DLC1: variants seen among roughly 807,000 people sequenced by gnomAD.
The protein encoded by DLC1 is rho GTPase-activating protein 7.
A neutral mutation model predicts 140.3 loss-of-function variants in DLC1; 54 were observed. The observed-to-expected ratio is 0.38, with a 90% CI of 0.31 to 0.48. The LOEUF is 0.48. Ranked by LOEUF, DLC1 falls within the 20% of genes least tolerant of loss-of-function variation. The pLI is 0.96. For synonymous variants in DLC1, 986 were observed against 728.1 expected, an observed-to-expected ratio of 1.35 and a Z score of -5.70; for missense variants, 2,536 against 1,907.0, an observed-to-expected ratio of 1.33 and a Z score of -6.14.
intron 1 of DLC1, among the ~76,000 whole-genome samples, chr8:13,505,870 T>C (rs2117227504): frequency 6.6e-6 from 1 of 152,324 alleles, no homozygotes; most frequent in East Asian, 1.9e-4. Context: ...AAGTTTAAGA[T>C]ACATAAAATA....
intron 4 of DLC1, among the ~76,000 whole-genome samples, chr8:13,380,568 T>C (rs1045003005): frequency 3.3e-5 from 5 of 152,192 alleles, no homozygotes; most frequent in African/African-American, 1.2e-4. Context: ...TTAAATATAG[T>C]ATTAATGAAT....
At chr8:13,391,626 A>G (rs979993608) in intron 4 of DLC1, among the ~76,000 whole-genome samples, 3 of 152,224 alleles carry the variant, frequency 2.0e-5, no homozygotes, top group Non-Finnish European at 2.9e-5. Context: ...ATAAAAATGT[A>G]TACGCACTTC....
intron 2 of DLC1, among the ~76,000 whole-genome samples, chr8:13,440,214 G>A (rs1329094599): frequency 6.6e-6 from 1 of 152,166 alleles, no homozygotes; most frequent in African/African-American, 2.4e-5. Flanking sequence ...GGTGTATCTT[G>A]TAGAAATAGG....
At chr8:13,112,427 G>A (rs994637598) in intron 6 of DLC1, among the ~76,000 whole-genome samples, 7 of 151,882 alleles carry the variant, frequency 4.6e-5, no homozygotes, top group African/African-American at 1.4e-4. Context: ...TTTTCTGAAG[G>A]CTACAGTTGG....
At chr8:13,263,643 T>C (rs1250267747) in intron 5 of DLC1, among the ~76,000 whole-genome samples, 2 of 151,176 alleles carry the variant, frequency 1.3e-5, no homozygotes, top group Non-Finnish European at 2.9e-5. Context: ...TTTATATGTA[T>C]ATATAATAGA....
chr8:13,227,403 G>C (rs148559822), intron 5 of DLC1, among the ~76,000 whole-genome samples: 2,710 of 152,158 alleles, frequency 0.018, 92 homozygotes, highest in African/African-American at 0.061. Flanking sequence ...ACTTGGATTG[G>C]GAATCTTAGT....
At chr8:13,201,820 G>C (rs1286074728) in intron 5 of DLC1, among the ~76,000 whole-genome samples, 1 of 151,240 alleles carries the variant, frequency 6.6e-6, no homozygotes, top group Non-Finnish European at 1.5e-5. Flanking sequence ...TTTATGTTCA[G>C]GGGTATATAC....
intron 4 of DLC1, among the ~76,000 whole-genome samples, chr8:13,314,217 T>TACATATATTAC (rs1832782518): frequency 8.0e-6 from 1 of 124,774 alleles, no homozygotes; most frequent in Non-Finnish European, 1.8e-5. Context: ...TATATAGACA[T>TACATATATTAC]ACATATATTA....
chr8:13,393,791 G>C, intron 3 of DLC1, 98 bp from the exon 4 acceptor site: 1 of 1,392,296 alleles, frequency 7.2e-7, no homozygotes, highest in Non-Finnish European at 9.8e-7. Context: ...CTTTCTCCCA[G>C]TGCACACTGA....
intron 1 of DLC1, among the ~76,000 whole-genome samples, chr8:13,569,774 T>C (rs1479595447): frequency 2.0e-5 from 3 of 152,254 alleles, no homozygotes; most frequent in Non-Finnish European, 4.4e-5. Context: ...CAGGCTGGAA[T>C]GCAGTGGTGC....
intron 5 of DLC1, among the ~76,000 whole-genome samples, chr8:13,274,140 A>G (rs944034325): frequency 7.9e-5 from 12 of 152,154 alleles, no homozygotes; most frequent in African/African-American, 2.7e-4. Flanking sequence ...ATTAGCAGCC[A>G]TTAGTTCATG....
intron 5 of DLC1, among the ~76,000 whole-genome samples, chr8:13,150,738 C>G (rs1393934884): frequency 6.6e-6 from 1 of 152,162 alleles, no homozygotes; most frequent in African/African-American, 2.4e-5. Flanking sequence ...GTGCATGAAA[C>G]AAAAACTCAG....
intron 5 of DLC1, among the ~76,000 whole-genome samples, chr8:13,279,531 G>A (rs1831291877): frequency 1.3e-5 from 2 of 152,298 alleles, no homozygotes; most frequent in Non-Finnish European, 1.5e-5. Flanking sequence ...GAGGGGAAGT[G>A]CAGCTAAGCA....
chr8:13,221,784 AAC>A (rs1828568599), intron 5 of DLC1, among the ~76,000 whole-genome samples: 2 of 144,914 alleles, frequency 1.4e-5, no homozygotes, highest in Non-Finnish European at 1.5e-5. Flanking sequence ...ATTAATATAA[AAC>A]ACATCAATAT....
At chr8:13,589,459 G>A (rs980410) in intron 1 of DLC1, among the ~76,000 whole-genome samples, 4,406 of 152,098 alleles carry the variant, frequency 0.029, 236 homozygotes, top group Admixed American at 0.12. Context: ...GATCACATGA[G>A]CCCTCTGAAA....
intron 6 of DLC1, 151 bp downstream of exon 6, chr8:13,115,434 CA>C (rs1253167386): frequency 1.4e-6 from 1 of 695,956 alleles, no homozygotes; most frequent in African/African-American, 1.8e-5. Flanking sequence ...CTTTTGTTTT[CA>C]GCGGTGGGGG....
intron 1 of DLC1, among the ~76,000 whole-genome samples, chr8:13,506,977 T>C (rs1802121727): frequency 6.6e-6 from 1 of 152,126 alleles, no homozygotes. Context: ...GTACATCGTA[T>C]GTGCCCCCAA....
rs117779178 is a variant in DLC1, at chr8:13,337,283, G to A, written c.1315-31981C>T. On this transcript the variant is annotated intron_variant, in intron 4 of 17. Coordinates refer to ENST00000276297, the MANE Select transcript of DLC1 (RefSeq NM_182643.3). Reference sequence around the variant, plus strand: ...GCAGTGTGTTTTCTGAGTTAGTAAAGATATTTCTGATTCAATTACAATTAC... The same window carrying A: ...GCAGTGTGTTTTCTGAGTTAGTAAAAATATTTCTGATTCAATTACAATTAC... 9.4e-3 allele frequency among the ~76,000 whole-genome samples: 1,429 copies of A among 152,178 alleles called. 15 individuals are homozygous for A. Among genetic ancestry groups the A allele is most frequent in the Non-Finnish European group, 0.015 (1,020 of 67,986 alleles).
At chr8:13,473,337 C>T (rs938364158) in intron 2 of DLC1, among the ~76,000 whole-genome samples, 2 of 152,054 alleles carry the variant, frequency 1.3e-5, no homozygotes, top group East Asian at 1.9e-4. Context: ...ATGCTGTTCC[C>T]GTGATAGTGA....
Sources: allele counts gnomAD v4.1 joint callset (sites outside exome capture counted in the v4.1 genomes callset), GRCh38; gene constraint gnomAD v4.1.1; transcripts MANE v1.5; gene names NCBI Gene and HGNC (gene_info 2026-07-23, HGNC 2026-07-21).